CENPW: variants seen among roughly 807,000 people sequenced by gnomAD.
The protein encoded by CENPW is cancer-up-regulated gene 2 protein.
CENPW carries 3 observed loss-of-function variants against 11.1 expected under a neutral mutation model. The ratio of observed to expected loss-of-function variants is 0.27; its 90% CI spans 0.12 to 0.70. CENPW has a LOEUF of 0.70. Ranked by LOEUF, CENPW falls within the 30% of genes least tolerant of loss-of-function variation. The pLI, the probability that CENPW is intolerant of heterozygous loss-of-function variation, is 0.77. For synonymous variants in CENPW, 38 were observed against 42.0 expected, an observed-to-expected ratio of 0.91 and a Z score of 0.37; for missense variants, 100 against 105.6, an observed-to-expected ratio of 0.95 and a Z score of 0.23.
the CENPW span, among the ~76,000 whole-genome samples, chr6:126,457,998 T>G: frequency 2.0e-5 from 3 of 151,554 alleles, no homozygotes; most frequent in South Asian, 6.2e-4. Flanking sequence ...TCTAGAATCT[T>G]TATCTCAACT....
chr6:126,413,716 A>C, the CENPW span, among the ~76,000 whole-genome samples: 1 of 151,964 alleles, frequency 6.6e-6, no homozygotes, highest in Non-Finnish European at 1.5e-5. Flanking sequence ...CCATAAAAAA[A>C]ACCACCATAT....
the CENPW span, among the ~76,000 whole-genome samples, chr6:126,359,563 T>C: frequency 6.6e-6 from 1 of 152,170 alleles, no homozygotes; most frequent in East Asian, 1.9e-4. Context: ...TCTAAGTTTT[T>C]TCCTAGGTCA....
At chr6:126,423,050 A>G in the CENPW span, among the ~76,000 whole-genome samples, 2 of 152,096 alleles carry the variant, frequency 1.3e-5, no homozygotes, top group Non-Finnish European at 2.9e-5. Context: ...CAAGATAATG[A>G]TGACGTATCA....
At chr6:126,449,099 TA>T in the CENPW span, among the ~76,000 whole-genome samples, 1 of 151,186 alleles carries the variant, frequency 6.6e-6, no homozygotes, top group African/African-American at 2.4e-5. Context: ...ACAATGTATG[TA>T]AAAAAACAAA....
At chr6:126,370,951 A>G in the CENPW span, among the ~76,000 whole-genome samples, 1 of 151,866 alleles carries the variant, frequency 6.6e-6, no homozygotes. Context: ...TTTTTTTAGT[A>G]GAGCTGGGGT....
At chr6:126,344,251 A>G (rs902294861) in intron 1 of CENPW, among the ~76,000 whole-genome samples, 1 of 152,212 alleles carries the variant, frequency 6.6e-6, no homozygotes, top group Non-Finnish European at 1.5e-5. Context: ...TCAGAATGCT[A>G]TGGATCAATA....
the CENPW span, among the ~76,000 whole-genome samples, chr6:126,358,975 T>G: frequency 6.8e-6 from 1 of 146,310 alleles, no homozygotes; most frequent in Non-Finnish European, 1.5e-5. Context: ...TTGGTTTCAC[T>G]TTTTTTTTTT....
At chr6:126,385,767 G>T in the CENPW span, among the ~76,000 whole-genome samples, 1 of 152,058 alleles carries the variant, frequency 6.6e-6, no homozygotes, top group Non-Finnish European at 1.5e-5. Flanking sequence ...ATTCAAGAAG[G>T]TGCCTTGCTT....
At chr6:126,372,273 T>G in the CENPW span, among the ~76,000 whole-genome samples, 1 of 152,324 alleles carries the variant, frequency 6.6e-6, no homozygotes, top group South Asian at 2.1e-4. Context: ...TGTAGAAAAT[T>G]CATGTGCTTT....
the CENPW span, among the ~76,000 whole-genome samples, chr6:126,357,857 G>T: frequency 6.6e-6 from 1 of 151,932 alleles, no homozygotes; most frequent in African/African-American, 2.4e-5. Context: ...TCCGCCTGCC[G>T]CAGCCTCCCA....
At chr6:126,454,568 C>T in the CENPW span, among the ~76,000 whole-genome samples, 4 of 150,986 alleles carry the variant, frequency 2.6e-5, no homozygotes, top group Admixed American at 6.6e-5. Flanking sequence ...ACACAGCTAA[C>T]GCAACATTAA....
chr6:126,345,064 A>G (rs762446378), intron 1 of CENPW, among the ~76,000 whole-genome samples: 1 of 152,022 alleles, frequency 6.6e-6, no homozygotes, highest in Non-Finnish European at 1.5e-5. Context: ...AGAGTACTAC[A>G]TATGATTCTT....
chr6:126,393,180 AT>A, the CENPW span, among the ~76,000 whole-genome samples: 3 of 151,034 alleles, frequency 2.0e-5, no homozygotes, highest in East Asian at 1.9e-4. Flanking sequence ...GGACCTTCTC[AT>A]TTTTTTTAGT....
At chr6:126,454,188 T>G in the CENPW span, among the ~76,000 whole-genome samples, 1 of 151,056 alleles carries the variant, frequency 6.6e-6, no homozygotes, top group Admixed American at 6.6e-5. Context: ...ACACAGATAT[T>G]TGGGACCAGA....
the CENPW span, among the ~76,000 whole-genome samples, chr6:126,407,004 T>C: frequency 6.6e-6 from 1 of 152,138 alleles, no homozygotes; most frequent in Admixed American, 6.6e-5. Flanking sequence ...ATGTTTGCCA[T>C]TGTGGCTTGC....
the CENPW span, among the ~76,000 whole-genome samples, chr6:126,433,299 CT>C: frequency 2.0e-5 from 3 of 151,892 alleles, no homozygotes; most frequent in Non-Finnish European, 2.9e-5. Flanking sequence ...TATATTAGGC[CT>C]TGTGCTAGAA....
the CENPW span, among the ~76,000 whole-genome samples, chr6:126,461,115 C>A: frequency 1.3e-5 from 2 of 151,832 alleles, no homozygotes; most frequent in Non-Finnish European, 2.9e-5. Context: ...ACCCAAATCT[C>A]ATTTTGTAGT....
chr6:126,460,444 G>A, the CENPW span, among the ~76,000 whole-genome samples: 1 of 151,640 alleles, frequency 6.6e-6, no homozygotes, highest in African/African-American at 2.4e-5. Flanking sequence ...TGTAATGCAA[G>A]CGCTTTAAAG....
At chr6:126,349,532 T>C (rs979167804), downstream of CENPW, among the ~76,000 whole-genome samples, 2 of 152,200 alleles carry the variant, frequency 1.3e-5, no homozygotes, top group East Asian at 1.9e-4. Flanking sequence ...TTTGAGAATG[T>C]CATATGGATG....
Sources: gnomAD v4.1 joint callset for allele counts (sites outside exome capture counted in the v4.1 genomes callset) on GRCh38, gnomAD v4.1.1 for gene constraint, MANE v1.5 for transcripts, NCBI Gene and HGNC (gene_info 2026-07-23, HGNC 2026-07-21) for gene names.